Variants in SRSF3 observed in about 807,000 individuals in gnomAD.
SRSF3 encodes the protein serine/arginine-rich splicing factor 3.
For synonymous variants in SRSF3, 87 were observed against 73.6 expected, an observed-to-expected ratio of 1.18 and a Z score of -0.93; for missense variants, 58 against 217.1, an observed-to-expected ratio of 0.27 and a Z score of 4.61.
Position 36,603,830 on chromosome 6 carries a change from G to A in SRSF3, c.*1841G>A, listed in dbSNP as rs1000868272. 1.3e-5 allele frequency: 3 copies of A among 231,536 alleles called. No individual in the cohort carries two copies. In the Admixed American group the frequency reaches 1.7e-4, roughly 13 times the overall value. 14.3% of individuals were successfully genotyped at this position (231,536 alleles called of 1,614,324 possible). On this transcript the variant is annotated 3_prime_UTR_variant, in exon 6 of 6. Transcript: ENST00000373715. ...TGCTTTTTATAAATGGACAACTTAT[G>A]TGGGCATTTTTGGGCAGTATATGAC...
Position 36,604,548 on chromosome 6 carries a change from G to A in SRSF3, c.*2559G>A, listed in dbSNP as rs1778780328. On this transcript the variant is annotated 3_prime_UTR_variant, in exon 6 of 6. Transcript: ENST00000373715. ...AGTAGGGAAGTTGTAGTTTTACCAA[G>A]CACAGGTACCCTGTGTCTACCATTT... is the stretch of plus-strand genomic sequence containing the variant. 5.7e-6 allele frequency: 1 copy of A among 176,220 alleles called. No individual in the cohort carries two copies. The highest frequency in any genetic ancestry group is 2.4e-5 in the African/African-American group (1 of 42,170). 10.9% of individuals were successfully genotyped at this position (176,220 alleles called of 1,614,324 possible).
In SRSF3 at chr6:36,602,492, ACT is replaced by A. The variant is rs1471373093; in HGVS notation, c.*507_*508del. 6 of 223,470 alleles carry A rather than the reference ACT, an allele frequency of 2.7e-5. No homozygotes were observed. The highest frequency in any genetic ancestry group is 4.5e-5 in the Non-Finnish European group (5 of 112,164). 13.8% of individuals were successfully genotyped at this position (223,470 alleles called of 1,614,324 possible). On this transcript the variant is annotated 3_prime_UTR_variant, in exon 6 of 6. Coordinates refer to ENST00000373715, the MANE Select transcript of SRSF3 (RefSeq NM_003017.5). ...AAATTAGAGGTTTTTGAAAAATCCA[ACT>A]CTCATCCTGGGCAGAGGTTGCCTAG... is the stretch of plus-strand genomic sequence containing the variant.
intron 2 of SRSF3, among the ~76,000 whole-genome samples, chr6:36,597,572 CTGAG>C (rs1231804976): frequency 2.0e-5 from 3 of 152,046 alleles, no homozygotes; most frequent in Non-Finnish European, 4.4e-5. Flanking sequence ...TGTTAGCTGG[CTGAG>C]TAAGGCCTGA....
At chr6:36,597,295 G>C (rs112982596) in intron 2 of SRSF3, 7,417 of 308,450 alleles carry the variant, frequency 0.024, 109 homozygotes, top group African/African-American at 0.04. Context: ...TAGCAGAGAT[G>C]GGGTTTCACC....
chr6:36,601,113 A>T (rs964947826), intron 3 of SRSF3, 39 bp from the exon 4 acceptor site: 8 of 1,598,300 alleles, frequency 5.0e-6, no homozygotes, highest in Non-Finnish European at 6.8e-6. Flanking sequence ...CATAAATACT[A>T]ATTGATGATG....
In SRSF3 at chr6:36,601,406, G is replaced by T. The variant is rs576906813; in HGVS notation, c.380+216G>T. On this transcript the variant is annotated intron_variant, in intron 4 of 5. Transcript: ENST00000373715. Reference sequence around the variant, plus strand: ...CTGTCACCCAGGCTGGAGTGCAGTGGTGTGATTATAGCTCACTGTAGCCTT... The same window carrying T: ...CTGTCACCCAGGCTGGAGTGCAGTGTTGTGATTATAGCTCACTGTAGCCTT... 8 of 602,336 alleles carry T rather than the reference G, an allele frequency of 1.3e-5. No homozygotes were observed. In the Admixed American group the frequency reaches 2.1e-4, roughly 16 times the overall value. 37.3% of individuals were successfully genotyped at this position (602,336 alleles called of 1,614,324 possible). A position where few individuals can be genotyped will look rare whatever the true frequency, so the allele number is the denominator to read the frequency against.
At chr6:36,595,701 C>T (rs1778615632) in intron 1 of SRSF3, among the ~76,000 whole-genome samples, 1 of 152,234 alleles carries the variant, frequency 6.6e-6, no homozygotes, top group Middle Eastern at 3.4e-3. Context: ...ATGTCTATAC[C>T]ACATTTTGCT....
At chr6:36,597,055 T>C (rs1778641136) in intron 2 of SRSF3, 87 bp downstream of exon 2, 2 of 1,135,760 alleles carry the variant, frequency 1.8e-6, no homozygotes, top group South Asian at 1.3e-5. Context: ...TAGATGGCTT[T>C]CCCAATCACT....
chr6:36,597,051 G>A, intron 2 of SRSF3, 83 bp downstream of exon 2: 1 of 1,242,380 alleles, frequency 8.0e-7, no homozygotes, highest in Non-Finnish European at 1.2e-6. Context: ...CTCTTAGATG[G>A]CTTTCCCAAT....
chr6:36,595,570 T>C (rs946047915), intron 1 of SRSF3, among the ~76,000 whole-genome samples: 1 of 152,216 alleles, frequency 6.6e-6, no homozygotes, highest in African/African-American at 2.4e-5. Context: ...CTATTTTAGA[T>C]ATTTAGTATT....
rs1778714868 is a variant in SRSF3 at position 36,601,453 on chromosome 6, TCCTC to T, written c.381-250_381-247del. 5.3e-6 allele frequency: 3 copies of T among 566,148 alleles called. No homozygotes were observed. In the Admixed American group the frequency reaches 9.0e-5, roughly 17 times the overall value. 35.1% of individuals were successfully genotyped at this position (566,148 alleles called of 1,614,324 possible). A position where few individuals can be genotyped will look rare whatever the true frequency, so the allele number is the denominator to read the frequency against. ...CCTTTAACTCCTGGCCTTGGAGTGA[TCCTC>T]CCTCTTCAGCCTCCTGAGTAGCTTG... is the stretch of plus-strand genomic sequence containing the variant. On this transcript the variant is annotated intron_variant, in intron 4 of 5. Coordinates refer to ENST00000373715, the MANE Select transcript of SRSF3 (RefSeq NM_003017.5).
chr6:36,600,503 C>T (rs933714575), intron 3 of SRSF3: 2 of 165,242 alleles, frequency 1.2e-5, no homozygotes, highest in African/African-American at 4.8e-5. Context: ...ATTTTAATAT[C>T]TCTAACAGAT....
Position 36,602,050 on chromosome 6 carries a change from A to C in SRSF3, c.*61A>C. On this transcript the variant is annotated 3_prime_UTR_variant, in exon 6 of 6. Coordinates refer to ENST00000373715, the MANE Select transcript of SRSF3 (RefSeq NM_003017.5). ...TACTTCATTTGACAGGAGTATGTAC[A>C]GAAAATTCAAGTTTTGTTTGAGACT... 1 of 1,562,394 alleles carries C rather than the reference A, an allele frequency of 6.4e-7. No individual in the cohort carries two copies. The highest frequency in any genetic ancestry group is 8.6e-7 in the Non-Finnish European group (1 of 1,164,362).
At chr6:36,597,253 G>A (rs1285065037) in intron 2 of SRSF3, 7 of 434,322 alleles carry the variant, frequency 1.6e-5, no homozygotes, top group African/African-American at 1.4e-4. Context: ...CTACAGGCGT[G>A]TGCCATCATG....
In SRSF3 at chr6:36,603,647, C is replaced by T. The variant is rs138329776; in HGVS notation, c.*1658C>T. 18 of 230,016 alleles carry T rather than the reference C, an allele frequency of 7.8e-5. No individual in the cohort carries two copies. The highest frequency in any genetic ancestry group is 4.0e-4 in the African/African-American group (18 of 45,286). The allele number at this position is 230,016 out of a possible 1,614,324, so 14.2% of individuals were successfully genotyped here. On this transcript the variant is annotated 3_prime_UTR_variant, in exon 6 of 6. Coordinates refer to ENST00000373715, the MANE Select transcript of SRSF3 (RefSeq NM_003017.5). ...GTTCAGCCTTAAAGTTAAGCATGTT[C>T]AAGAAAGACACTTTTCAGACAGCCT...
chr6:36,595,300 CA>C (rs1778607645), intron 1 of SRSF3, among the ~76,000 whole-genome samples: 1 of 152,040 alleles, frequency 6.6e-6, no homozygotes, highest in African/African-American at 2.4e-5. Flanking sequence ...CAAGGAAGAA[CA>C]AAAAAATAAG....
Position 36,605,088 on chromosome 6 carries a change from ATTT to A in SRSF3, c.*3101_*3103del, listed in dbSNP as rs944842605. 1 of 152,134 alleles carries A rather than the reference ATTT, an allele frequency of 6.6e-6. No individual in the cohort carries two copies. The allele number at this position is 152,134 out of a possible 1,614,324, so 9.4% of individuals were successfully genotyped here. Reference sequence around the variant, plus strand: ...AAATAATCCAGTAGTGTTGAATTTGATTTTATGTCCACTCTAATTTTTTTCATC... The same window carrying A: ...AAATAATCCAGTAGTGTTGAATTTGATATGTCCACTCTAATTTTTTTCATC... On this transcript the variant is annotated 3_prime_UTR_variant, in exon 6 of 6. Transcript: ENST00000373715.
chr6:36,599,117 G>A lies in SRSF3; in HGVS notation c.341+134G>A, dbSNP rs984232436. 7.3e-5 allele frequency: 81 copies of A among 1,108,490 alleles called. 1 individual carries two copies. Among genetic ancestry groups the A allele is most frequent in the Non-Finnish European group, 1.0e-4 (81 of 792,020 alleles). The allele number at this position is 1,108,490 out of a possible 1,614,324, so 68.7% of individuals were successfully genotyped here. ...GGTTTCTGTGAAACATTTGTTGGGT[G>A]TAATTTGGGGTATGTGAGTTGTGCT... On this transcript the variant is annotated intron_variant, in intron 3 of 5. Transcript: ENST00000373715.
At chr6:36,601,867 A>G (rs1042640060) in intron 5 of SRSF3, 73 bp downstream of exon 5, 46 of 1,592,922 alleles carry the variant, frequency 2.9e-5, no homozygotes, top group Non-Finnish European at 3.8e-5. Flanking sequence ...TAAGCCATAA[A>G]TTTTTTACCT....
Sources: allele counts gnomAD v4.1 joint callset (sites outside exome capture counted in the v4.1 genomes callset), GRCh38; gene constraint gnomAD v4.1.1; transcripts MANE v1.5; gene names NCBI Gene and HGNC (gene_info 2026-07-23, HGNC 2026-07-21).